Variants in SUV39H2 observed in about 807,000 individuals in gnomAD.
SUV39H2 encodes the protein SUV39H2 histone lysine methyltransferase.
SUV39H2 carries 10 observed loss-of-function variants against 47.5 expected under a neutral mutation model. The observed-to-expected ratio is 0.21, with a 90% CI of 0.13 to 0.36. The LOEUF (loss-of-function observed/expected upper bound fraction) is 0.36, where lower values mean the gene tolerates loss of function less well. SUV39H2 is among the 10% of genes least tolerant of loss of function. The pLI is 1.00. For missense variants in SUV39H2, 266 were observed against 487.4 expected (o/e 0.55, Z 4.28); for synonymous variants, 159 against 166.8 (o/e 0.95, Z 0.36).
At chr10:14,891,186 T>A (rs955800956) in intron 2 of SUV39H2, among the ~76,000 whole-genome samples, 2 of 152,174 alleles carry the variant, frequency 1.3e-5, no homozygotes, top group Non-Finnish European at 2.9e-5. Flanking sequence ...TGAGCATTCA[T>A]TGGACCAGTG....
intron 2 of SUV39H2, among the ~76,000 whole-genome samples, chr10:14,894,982 C>CT (rs1343465240): frequency 6.6e-6 from 1 of 152,114 alleles, no homozygotes. Context: ...TTTTCAGTAT[C>CT]TAAGACTTAA....
chr10:14,893,084 G>T (rs552332966), intron 2 of SUV39H2, among the ~76,000 whole-genome samples: 1 of 149,440 alleles, frequency 6.7e-6, no homozygotes, highest in African/African-American at 2.5e-5. Context: ...CTCACTGCAG[G>T]CTCCGCCCCC....
intron 2 of SUV39H2, among the ~76,000 whole-genome samples, chr10:14,882,154 C>G (rs371446532): frequency 6.6e-6 from 1 of 152,194 alleles, no homozygotes; most frequent in Admixed American, 6.5e-5. Context: ...TAAGCAAACT[C>G]GTTTCACTTC....
At chr10:14,883,642 T>C (rs1588834114) in intron 2 of SUV39H2, among the ~76,000 whole-genome samples, 1 of 142,952 alleles carries the variant, frequency 7.0e-6, no homozygotes, top group South Asian at 2.2e-4. Context: ...GAGGTGGAGG[T>C]TGCAGTGAGT....
intron 2 of SUV39H2, among the ~76,000 whole-genome samples, chr10:14,882,891 G>A (rs1199331246): frequency 2.0e-5 from 3 of 146,434 alleles, no homozygotes; most frequent in Non-Finnish European, 4.5e-5. Flanking sequence ...TAAAGGCCCA[G>A]AGTCTCGCTC....
chr10:14,886,866 A>G lies in SUV39H2; in HGVS notation c.177+5221A>G, dbSNP rs113265199. On this transcript the variant is annotated intron_variant, in intron 2 of 5. Transcript: ENST00000354919. ...GATCTGTGGGAGGTGCACCTTGGAT[A>G]GGTCACAGAAAGCTTCCCAGAAGTG... Among the ~76,000 whole-genome samples, 1,101 of 152,350 alleles carry G rather than the reference A, an allele frequency of 7.2e-3. 17 individuals are homozygous for G. Among genetic ancestry groups the G allele is most frequent in the African/African-American group, 0.025 (1,030 of 41,584 alleles).
intron 3 of SUV39H2, chr10:14,898,846 C>G: frequency 5.4e-6 from 1 of 183,908 alleles, no homozygotes; most frequent in African/African-American, 2.3e-5. Context: ...TAACAATTTT[C>G]CATTTGTAAC....
At chr10:14,898,559 T>C (rs376705204) in intron 3 of SUV39H2, 175 of 152,318 alleles carry the variant, frequency 1.1e-3, no homozygotes, top group African/African-American at 3.9e-3. Flanking sequence ...TTATAAATTA[T>C]TCAGTATACA....
At chr10:14,901,101 G>A (rs751516885) in intron 4 of SUV39H2, 32 bp from the exon 5 acceptor site, 104 of 1,611,042 alleles carry the variant, frequency 6.5e-5, no homozygotes, top group Non-Finnish European at 8.0e-5. Context: ...TACACCGTTT[G>A]TACTTAAATG....
intron 2 of SUV39H2, among the ~76,000 whole-genome samples, chr10:14,888,195 G>A (rs1016920884): frequency 2.4e-4 from 37 of 152,174 alleles, no homozygotes; most frequent in African/African-American, 8.9e-4. Flanking sequence ...ATGGGTTGAG[G>A]GTGGCAAGAG....
At chr10:14,888,096 G>T (rs142190517) in intron 2 of SUV39H2, among the ~76,000 whole-genome samples, 3 of 152,330 alleles carry the variant, frequency 2.0e-5, no homozygotes, top group African/African-American at 4.8e-5. Flanking sequence ...CCTCTTAAGG[G>T]CGTAGAGAAC....
chr10:14,900,639 G>C (rs983116495), intron 4 of SUV39H2, among the ~76,000 whole-genome samples: 7 of 152,152 alleles, frequency 4.6e-5, no homozygotes, highest in African/African-American at 1.4e-4. Context: ...TAAGTTTACT[G>C]TAGTATTCTC....
chr10:14,900,541 T>C (rs1483160998), intron 4 of SUV39H2, among the ~76,000 whole-genome samples: 2 of 152,216 alleles, frequency 1.3e-5, no homozygotes, highest in Non-Finnish European at 2.9e-5. Context: ...TTCGAGATAC[T>C]CTCAAAATAG....
At chr10:14,885,018 T>C (rs1207267074) in intron 2 of SUV39H2, among the ~76,000 whole-genome samples, 3 of 152,306 alleles carry the variant, frequency 2.0e-5, no homozygotes, top group Middle Eastern at 3.4e-3. Context: ...TTTCCACCTG[T>C]TTTTCTTACT....
chr10:14,891,174 G>A (rs1354551472), intron 2 of SUV39H2, among the ~76,000 whole-genome samples: 2 of 152,188 alleles, frequency 1.3e-5, no homozygotes, highest in African/African-American at 4.8e-5. Context: ...TAAAAGATGA[G>A]ATGAGCATTC....
At chr10:14,893,503 A>G (rs1833463697) in intron 2 of SUV39H2, among the ~76,000 whole-genome samples, 1 of 152,244 alleles carries the variant, frequency 6.6e-6, no homozygotes, top group South Asian at 2.1e-4. Context: ...AGTTGATTAC[A>G]TATCAGAATA....
In SUV39H2 at chr10:14,904,296, CTG is replaced by C. The variant is rs1270173171; in HGVS notation, c.*1786_*1787del. On this transcript the variant is annotated 3_prime_UTR_variant, in exon 6 of 6. Transcript: ENST00000354919. ...CTGCAGCCTGAGTGACACAGTAAGA[CTG>C]TCTCCAAAAAAAAAAAATTTTTTTT... is the stretch of plus-strand genomic sequence containing the variant. 1 of 134,436 alleles carries C rather than the reference CTG, an allele frequency of 7.4e-6. No homozygotes were observed. The highest frequency in any genetic ancestry group is 1.5e-5 in the Non-Finnish European group (1 of 64,808). The allele number at this position is 134,436 out of a possible 1,614,324, so 8.3% of individuals were successfully genotyped here. A position where few individuals can be genotyped will look rare whatever the true frequency, so the allele number is the denominator to read the frequency against.
At chr10:14,885,391 C>A (rs1276159321) in intron 2 of SUV39H2, among the ~76,000 whole-genome samples, 1 of 152,196 alleles carries the variant, frequency 6.6e-6, no homozygotes, top group South Asian at 2.1e-4. Flanking sequence ...TTTTTACTCT[C>A]TAAATCTAAT....
At position 14,902,607 on chromosome 10, in the gene SUV39H2, C is replaced by A; in HGVS notation, c.*95C>A. The A allele has an allele frequency of 1.3e-6, 1 of 746,316 alleles. No homozygotes were observed. Among genetic ancestry groups the A allele is most frequent in the Non-Finnish European group, 2.1e-6 (1 of 486,366 alleles). 46.2% of individuals were successfully genotyped at this position (746,316 alleles called of 1,614,324 possible). A position where few individuals can be genotyped will look rare whatever the true frequency, so the allele number is the denominator to read the frequency against. ...ATTTGGGACTCTTATTATCAAGGTT[C>A]TACCTATGTTAATTTACAATTCATG... On this transcript the variant is annotated 3_prime_UTR_variant, in exon 6 of 6. Transcript: ENST00000354919.
Sources: gnomAD v4.1 joint callset for allele counts (sites outside exome capture counted in the v4.1 genomes callset) on GRCh38, gnomAD v4.1.1 for gene constraint, MANE v1.5 for transcripts, NCBI Gene and HGNC (gene_info 2026-07-23, HGNC 2026-07-21) for gene names.